CPXM2: variants seen among roughly 807,000 people sequenced by gnomAD.
CPXM2 encodes the protein carboxypeptidase X, M14 family member 2.
A neutral mutation model predicts 86.1 loss-of-function variants in CPXM2; 66 were observed. That is an observed-to-expected ratio of 0.77 (90% CI 0.63 to 0.94). The LOEUF (loss-of-function observed/expected upper bound fraction) is 0.94, where lower values mean the gene tolerates loss of function less well. CPXM2 is among the 40% of genes least tolerant of loss of function. The pLI is 0.00. For synonymous variants in CPXM2, 388 were observed against 400.2 expected, an observed-to-expected ratio of 0.97 and a Z score of 0.36; for missense variants, 948 against 1,026.3, an observed-to-expected ratio of 0.92 and a Z score of 1.04.
chr10:123,808,696 A>T (rs576609724), intron 4 of CPXM2, among the ~76,000 whole-genome samples: 4 of 152,330 alleles, frequency 2.6e-5, no homozygotes, highest in Non-Finnish European at 5.9e-5. Flanking sequence ...GTCAAGAACA[A>T]TTATTTATAC....
intron 4 of CPXM2, among the ~76,000 whole-genome samples, chr10:123,828,097 G>A (rs1048380969): frequency 5.9e-5 from 9 of 152,120 alleles, no homozygotes; most frequent in Middle Eastern, 3.4e-3. Context: ...CTTCAGCCTG[G>A]GAGGTTGAGG....
chr10:123,854,395 T>A (rs553208024), intron 3 of CPXM2, among the ~76,000 whole-genome samples: 2,534 of 116,636 alleles, frequency 0.022, 128 homozygotes, highest in African/African-American at 0.088. Flanking sequence ...AATATATATA[T>A]TATATATATA....
At chr10:123,898,670 A>AC (rs34227661) in intron 2 of CPXM2, among the ~76,000 whole-genome samples, 41,793 of 152,010 alleles carry the variant, frequency 0.27, 6,087 homozygotes, top group Middle Eastern at 0.35. Context: ...GTTCCAGATC[A>AC]TTTTTCAATT....
In CPXM2 at chr10:123,919,845, G is replaced by T. The variant is rs962033417; in HGVS notation, n.174+19632C>A. On this transcript the variant is annotated intron_variant and non_coding_transcript_variant, in intron 2 of 19. Transcript: ENST00000368854. Reference sequence around the variant, plus strand: ...AGGGCTTCAGGAAACTTCCACTCATGACAGAAGGTGAAAAGGAGGCAGGGT... The same window carrying T: ...AGGGCTTCAGGAAACTTCCACTCATTACAGAAGGTGAAAAGGAGGCAGGGT... Among the ~76,000 whole-genome samples, 3 of 152,198 alleles carry T rather than the reference G, an allele frequency of 2.0e-5. No homozygotes were observed. In the South Asian group the frequency reaches 6.2e-4, roughly 32 times the overall value.
intron 13 of CPXM2, among the ~76,000 whole-genome samples, chr10:123,753,754 C>T (rs1846132968): frequency 6.6e-6 from 1 of 152,166 alleles, no homozygotes; most frequent in Non-Finnish European, 1.5e-5. Context: ...TTTTCTTCCA[C>T]AGCAAAGAGA....
At chr10:123,844,945 G>A (rs923299365) in intron 3 of CPXM2, among the ~76,000 whole-genome samples, 1 of 151,838 alleles carries the variant, frequency 6.6e-6, no homozygotes, top group Non-Finnish European at 1.5e-5. Flanking sequence ...GCTCACGTCT[G>A]TAACCCTAGC....
Position 123,757,328 on chromosome 10 carries a change from T to C in CPXM2, c.1802A>G (p.His601Arg), listed in dbSNP as rs746005645. The change falls in exon 12 of 14, where the codon CAT becomes CGT. Residue 601 changes from histidine (H) to arginine (R), a missense_variant. By Grantham distance (29) the His-to-Arg change is conservative (BLOSUM62 0). Coordinates refer to ENST00000241305, the MANE Select transcript of CPXM2 (RefSeq NM_198148.3). ...GATGGACAGTTCGAAGCAGTTTGTA[T>C]GAAGGTAGCTGAAATCGTTCAGACC... ...AGSLNDFSYL[H>R]TNCFELSIYV... 6.2e-7 allele frequency: 1 copy of C among 1,613,746 alleles called. No homozygotes were observed. Among genetic ancestry groups the C allele is most frequent in the South Asian group, 1.1e-5 (1 of 91,060 alleles).
At chr10:123,925,353 A>T (rs1430546948) in intron 2 of CPXM2, among the ~76,000 whole-genome samples, 1 of 151,612 alleles carries the variant, frequency 6.6e-6, no homozygotes, top group Non-Finnish European at 1.5e-5. Flanking sequence ...TATTAGAAAG[A>T]ATCTCACACA....
chr10:123,877,211 T>C (rs891831628), intron 2 of CPXM2, among the ~76,000 whole-genome samples: 3 of 152,214 alleles, frequency 2.0e-5, no homozygotes, highest in Non-Finnish European at 4.4e-5. Flanking sequence ...ATAAGGTAAT[T>C]TCATTGCAAC....
At chr10:123,799,059 G>C (rs367591717) in intron 5 of CPXM2, 56 bp downstream of exon 5, 304 of 1,599,716 alleles carry the variant, frequency 1.9e-4, no homozygotes, top group Non-Finnish European at 2.4e-4. Context: ...GCCTCTCTTT[G>C]CAAAACCCCA....
chr10:123,840,814 GCAGGGACAA>G (rs1467487378), intron 4 of CPXM2, among the ~76,000 whole-genome samples: 2 of 152,210 alleles, frequency 1.3e-5, no homozygotes, highest in African/African-American at 2.4e-5. Flanking sequence ...AGTCCCCTTT[GCAGGGACAA>G]TGACAGGTGG....
At chr10:123,901,170 C>G (rs1358169508) in intron 2 of CPXM2, among the ~76,000 whole-genome samples, 1 of 152,158 alleles carries the variant, frequency 6.6e-6, no homozygotes, top group Non-Finnish European at 1.5e-5. Flanking sequence ...TACCTGAGAT[C>G]ATAATACTGA....
chr10:123,865,161 G>A lies in CPXM2; in HGVS notation c.404-2438C>T, dbSNP rs1213984854. Among the ~76,000 whole-genome samples the A allele has an allele frequency of 1.3e-5, 2 of 152,172 alleles. No homozygotes were observed. The highest frequency in any genetic ancestry group is 4.8e-5 in the African/African-American group (2 of 41,430). On this transcript the variant is annotated intron_variant, in intron 2 of 13. Coordinates refer to ENST00000241305, the MANE Select transcript of CPXM2 (RefSeq NM_198148.3). The surrounding 1 kb of genome is among the most constrained non-coding windows in gnomAD (Gnocchi z 4.7). ...AGCCCAGATAAACACACACGAACTTGGCCTGCTCGCAAACGTAGTCTTACA... is the reference window on the plus strand; with the variant it reads ...AGCCCAGATAAACACACACGAACTTAGCCTGCTCGCAAACGTAGTCTTACA...
chr10:123,916,339 A>C (rs1198480872), intron 2 of CPXM2, among the ~76,000 whole-genome samples: 1 of 152,110 alleles, frequency 6.6e-6, no homozygotes, highest in Admixed American at 6.5e-5. Context: ...TGCGCTGATG[A>C]ATGATACACT....
chr10:123,917,563 C>G (rs1185874815), intron 2 of CPXM2, among the ~76,000 whole-genome samples: 2 of 152,328 alleles, frequency 1.3e-5, no homozygotes, highest in Middle Eastern at 3.4e-3. Context: ...TTTAATGGCA[C>G]CTTTCTACCT....
chr10:123,805,753 A>G (rs1265407840), intron 4 of CPXM2, among the ~76,000 whole-genome samples: 1 of 152,298 alleles, frequency 6.6e-6, no homozygotes, highest in Middle Eastern at 3.4e-3. Context: ...TGGAAAAAAA[A>G]TCACAAAATA....
chr10:123,860,936 G>A (rs1352228025), intron 3 of CPXM2, among the ~76,000 whole-genome samples: 3 of 152,062 alleles, frequency 2.0e-5, no homozygotes, highest in Admixed American at 1.3e-4. Flanking sequence ...ACCTGAATTC[G>A]TCTGAACTGA....
At position 123,776,354 on chromosome 10, in the gene CPXM2, G is replaced by A. The variant is rs553155666; in HGVS notation, c.978+3813C>T. On this transcript the variant is annotated intron_variant, in intron 7 of 13. Coordinates refer to ENST00000241305, the MANE Select transcript of CPXM2 (RefSeq NM_198148.3). The stretch of plus-strand genomic sequence containing the variant: ...CAAGACTCTGTTTTCCCAACTCTGA[G>A]ATGGAAATAAACTTTGCATCCTAGT... 2.0e-5 allele frequency among the ~76,000 whole-genome samples: 3 copies of A among 152,324 alleles called. No homozygotes were observed. In the East Asian group the frequency reaches 5.8e-4, roughly 29 times the overall value.
chr10:123,869,979 G>A (rs1375839085), intron 2 of CPXM2, among the ~76,000 whole-genome samples: 1 of 152,092 alleles, frequency 6.6e-6, no homozygotes, highest in Non-Finnish European at 1.5e-5. Context: ...TCCCAAATCT[G>A]TCCAGGGGGT....
Sources: gnomAD v4.1 joint callset for allele counts (sites outside exome capture counted in the v4.1 genomes callset) on GRCh38, gnomAD v4.1.1 for gene constraint, Gnocchi (gnomAD v3.1) non-coding constraint, MANE v1.5 for transcripts, NCBI Gene and HGNC (gene_info 2026-07-23, HGNC 2026-07-21) for gene names.